The following NCKAP5 variants were observed in gnomAD, a reference collection of about 807,000 sequenced individuals.
NCKAP5 encodes nck-associated protein 5.
A neutral mutation model predicts 167.0 loss-of-function variants in NCKAP5; 92 were observed. That is an observed-to-expected ratio of 0.55 (90% CI 0.47 to 0.66). The LOEUF is 0.66. Ranked by LOEUF, NCKAP5 falls within the 30% of genes least tolerant of loss-of-function variation. NCKAP5 has a pLI of 0.00. For synonymous variants in NCKAP5, 891 were observed against 877.4 expected (o/e 1.02, Z -0.27); for missense variants, 2,378 against 2,315.0 (o/e 1.03, Z -0.56).
At chr2:132,739,045 C>T (rs189170253) in intron 16 of NCKAP5, among the ~76,000 whole-genome samples, 16 of 152,256 alleles carry the variant, frequency 1.1e-4, no homozygotes, top group African/African-American at 3.6e-4. Context: ...ATACCATATT[C>T]GTTCACATAG....
At chr2:132,948,564 G>A (rs961646544) in intron 8 of NCKAP5, among the ~76,000 whole-genome samples, 3 of 152,156 alleles carry the variant, frequency 2.0e-5, no homozygotes, top group African/African-American at 7.2e-5. Flanking sequence ...CCTAATTTGA[G>A]TCCAAAAGGT....
intron 3 of NCKAP5, among the ~76,000 whole-genome samples, chr2:133,436,300 G>A (rs1690474116): frequency 6.6e-6 from 1 of 152,128 alleles, no homozygotes; most frequent in Admixed American, 6.6e-5. Flanking sequence ...GGTTTTATTC[G>A]GGATGGAATA....
chr2:133,466,371 C>A (rs1692590807), intron 3 of NCKAP5, among the ~76,000 whole-genome samples: 1 of 150,380 alleles, frequency 6.6e-6, no homozygotes. Context: ...TGATCTATAT[C>A]CCTGTTTTGG....
chr2:133,344,820 A>C (rs1157530571), intron 3 of NCKAP5, among the ~76,000 whole-genome samples: 1 of 152,106 alleles, frequency 6.6e-6, no homozygotes, highest in South Asian at 2.1e-4. Flanking sequence ...GTGTAGAGGA[A>C]AAATCAAAAG....
chr2:132,933,171 C>G (rs536245733), intron 8 of NCKAP5, among the ~76,000 whole-genome samples: 2 of 152,000 alleles, frequency 1.3e-5, no homozygotes, highest in African/African-American at 2.4e-5. Flanking sequence ...ATGATCTGCC[C>G]GCTGCGGCCT....
At chr2:133,217,167 T>A (rs1027717848) in intron 4 of NCKAP5, among the ~76,000 whole-genome samples, 1 of 152,134 alleles carries the variant, frequency 6.6e-6, no homozygotes, top group Non-Finnish European at 1.5e-5. Flanking sequence ...TTTAAGTACA[T>A]ACTGCAAACA....
chr2:133,386,619 C>T (rs943037436), intron 3 of NCKAP5, among the ~76,000 whole-genome samples: 1 of 152,144 alleles, frequency 6.6e-6, no homozygotes, highest in Non-Finnish European at 1.5e-5. Context: ...CTTTCTGTCT[C>T]ATTGATCTGT....
At chr2:132,734,814 C>G (rs1279929969) in intron 16 of NCKAP5, among the ~76,000 whole-genome samples, 1 of 152,212 alleles carries the variant, frequency 6.6e-6, no homozygotes, top group Non-Finnish European at 1.5e-5. Flanking sequence ...AGACAATGCT[C>G]TTAGCCACCA....
At chr2:133,334,184 GTC>G (rs1683061736) in intron 3 of NCKAP5, among the ~76,000 whole-genome samples, 1 of 152,156 alleles carries the variant, frequency 6.6e-6, no homozygotes, top group African/African-American at 2.4e-5. Context: ...CCTAGACCAA[GTC>G]TCTCAGTCAC....
At chr2:133,612,022 T>C in the NCKAP5 span, among the ~76,000 whole-genome samples, 2 of 152,184 alleles carry the variant, frequency 1.3e-5, no homozygotes, top group Non-Finnish European at 2.9e-5. Context: ...GGTATACTGT[T>C]AACTTTGCCC....
chr2:133,204,377 C>A (rs2085848180), intron 5 of NCKAP5, among the ~76,000 whole-genome samples: 1 of 152,160 alleles, frequency 6.6e-6, no homozygotes, highest in Admixed American at 6.6e-5. Flanking sequence ...AGACTCCCCC[C>A]CATCAGAGGT....
At chr2:133,253,257 G>C (rs2088442641) in intron 4 of NCKAP5, among the ~76,000 whole-genome samples, 3 of 152,252 alleles carry the variant, frequency 2.0e-5, no homozygotes, top group Admixed American at 6.5e-5. Flanking sequence ...GAGAGGGAAA[G>C]AGAATTAATG....
intron 3 of NCKAP5, among the ~76,000 whole-genome samples, chr2:133,451,788 A>C (rs1376976831): frequency 6.6e-6 from 1 of 152,198 alleles, no homozygotes; most frequent in Admixed American, 6.5e-5. Flanking sequence ...TTTCTGGGCT[A>C]AGCCATCTAT....
At chr2:132,992,859 T>G (rs1000602881) in intron 7 of NCKAP5, among the ~76,000 whole-genome samples, 3 of 152,216 alleles carry the variant, frequency 2.0e-5, no homozygotes, top group Non-Finnish European at 4.4e-5. Context: ...AGTCAACTCT[T>G]TGCATTATAT....
chr2:132,844,692 A>G (rs1235413014), intron 11 of NCKAP5, among the ~76,000 whole-genome samples: 1 of 152,106 alleles, frequency 6.6e-6, no homozygotes, highest in African/African-American at 2.4e-5. Flanking sequence ...AGGTTTTTTG[A>G]TGGCCATTTA....
chr2:133,335,985 T>C (rs1683186115), intron 3 of NCKAP5, among the ~76,000 whole-genome samples: 1 of 152,324 alleles, frequency 6.6e-6, no homozygotes, highest in Non-Finnish European at 1.5e-5. Flanking sequence ...TGCTGATTAC[T>C]GTATCTGTCA....
intron 3 of NCKAP5, among the ~76,000 whole-genome samples, chr2:133,451,324 C>T (rs1691537470): frequency 6.6e-6 from 1 of 152,196 alleles, no homozygotes; most frequent in South Asian, 2.1e-4. Context: ...TTCACCACTG[C>T]AAATAATTGA....
intron 3 of NCKAP5, among the ~76,000 whole-genome samples, chr2:133,383,045 T>C (rs1427461831): frequency 3.3e-5 from 5 of 152,100 alleles, no homozygotes; most frequent in Non-Finnish European, 7.4e-5. Flanking sequence ...AAGTGATGCA[T>C]TCTAGGATTG....
chr2:133,240,292 G>C (rs1488454335), intron 4 of NCKAP5, among the ~76,000 whole-genome samples: 1 of 152,180 alleles, frequency 6.6e-6, no homozygotes, highest in Admixed American at 6.5e-5. Context: ...TACAATTGGA[G>C]ATAAAAATAT....
Sources: allele counts gnomAD v4.1 joint callset (sites outside exome capture counted in the v4.1 genomes callset), GRCh38; gene constraint gnomAD v4.1.1; transcripts MANE v1.5; gene names NCBI Gene and HGNC (gene_info 2026-07-23, HGNC 2026-07-21).